Variants in ARHGAP24 observed in about 807,000 individuals in gnomAD.
ARHGAP24 encodes rho GTPase-activating protein 24.
In ARHGAP24, 50 loss-of-function variants were observed where a neutral mutation model predicts 76.4. The ratio of observed to expected loss-of-function variants is 0.65; its 90% CI spans 0.52 to 0.83. The LOEUF is 0.83. ARHGAP24 is among the 40% of genes least tolerant of loss of function. The probability of loss-of-function intolerance (pLI) is 0.00; values close to 1 mark genes in which losing one functional copy is unlikely to be tolerated. For synonymous variants in ARHGAP24, 345 were observed against 323.3 expected (o/e 1.07, Z -0.72); for missense variants, 930 against 914.2 (o/e 1.02, Z -0.22).
chr4:85,693,705 G>T (rs567420568), intron 2 of ARHGAP24, among the ~76,000 whole-genome samples: 144 of 152,344 alleles, frequency 9.5e-4, no homozygotes, highest in African/African-American at 3.2e-3. Context: ...AAGGGCCCTG[G>T]GAGAGGCTGG....
chr4:85,903,804 A>G (rs932381903), intron 3 of ARHGAP24, among the ~76,000 whole-genome samples: 1 of 152,138 alleles, frequency 6.6e-6, no homozygotes. Flanking sequence ...AGTGACTGGC[A>G]TGAAAATCAA....
chr4:85,774,886 C>T (rs975538253), intron 3 of ARHGAP24, among the ~76,000 whole-genome samples: 1 of 152,076 alleles, frequency 6.6e-6, no homozygotes, highest in Non-Finnish European at 1.5e-5. Flanking sequence ...ATAATTAATT[C>T]ATTAAAGAAA....
chr4:85,511,662 T>C (rs1176523321), intron 1 of ARHGAP24, among the ~76,000 whole-genome samples: 1 of 152,018 alleles, frequency 6.6e-6, no homozygotes, highest in Non-Finnish European at 1.5e-5. Context: ...ACAGGGTTTC[T>C]CCACATTGGT....
intron 2 of ARHGAP24, among the ~76,000 whole-genome samples, chr4:85,668,149 A>G (rs1183873142): frequency 1.3e-5 from 2 of 152,184 alleles, no homozygotes; most frequent in African/African-American, 4.8e-5. Flanking sequence ...GTCAGAGTAT[A>G]ATGAGTTCCT....
chr4:85,672,271 G>A (rs990922706), intron 2 of ARHGAP24, among the ~76,000 whole-genome samples: 9 of 152,166 alleles, frequency 5.9e-5, no homozygotes, highest in Non-Finnish European at 1.3e-4. Context: ...GGCCAGATGA[G>A]GCCCTTTCAA....
At chr4:85,655,848 G>GAGAGTGAGAC (rs1560571885) in intron 2 of ARHGAP24, among the ~76,000 whole-genome samples, 1 of 67,628 alleles carries the variant, frequency 1.5e-5, no homozygotes, top group African/African-American at 6.1e-5. Flanking sequence ...GAGAGAGACA[G>GAGAGTGAGAC]AGAGGAAGTT....
chr4:85,847,588 G>A (rs1314537567), intron 3 of ARHGAP24, among the ~76,000 whole-genome samples: 1 of 152,126 alleles, frequency 6.6e-6, no homozygotes, highest in Non-Finnish European at 1.5e-5. Flanking sequence ...GCCTAAGGAA[G>A]GCTGCTGTGT....
chr4:85,772,631 C>T (rs1727172607), intron 3 of ARHGAP24, among the ~76,000 whole-genome samples: 1 of 152,118 alleles, frequency 6.6e-6, no homozygotes, highest in African/African-American at 2.4e-5. Context: ...GTGAATAAGT[C>T]TTCCAGACAT....
intron 3 of ARHGAP24, among the ~76,000 whole-genome samples, chr4:85,825,255 TA>T (rs1458759788): frequency 6.6e-6 from 1 of 152,180 alleles, no homozygotes; most frequent in Non-Finnish European, 1.5e-5. Flanking sequence ...AGATAAGATT[TA>T]AAACATTTAC....
At chr4:85,519,403 C>T (rs184401594) in intron 1 of ARHGAP24, among the ~76,000 whole-genome samples, 1 of 152,238 alleles carries the variant, frequency 6.6e-6, no homozygotes, top group Non-Finnish European at 1.5e-5. Flanking sequence ...CTGGCTCTCT[C>T]CACATAGCTA....
intron 4 of ARHGAP24, among the ~76,000 whole-genome samples, chr4:85,935,257 G>A (rs1478756551): frequency 2.0e-5 from 3 of 152,200 alleles, no homozygotes; most frequent in Non-Finnish European, 2.9e-5. Flanking sequence ...ACCAAGTGGT[G>A]CTGGGAATGA....
At chr4:85,655,818 A>AGAGAGAGAGAGAGAAAG (rs1237643654) in intron 2 of ARHGAP24, among the ~76,000 whole-genome samples, 3 of 35,504 alleles carry the variant, frequency 8.4e-5, no homozygotes, top group Non-Finnish European at 1.5e-4. Context: ...GAGAGAGAGA[A>AGAGAGAGAGAGAGAAAG]AGAGAGAGAG....
chr4:85,938,758 A>G (rs886980522), intron 4 of ARHGAP24, among the ~76,000 whole-genome samples: 1 of 152,092 alleles, frequency 6.6e-6, no homozygotes, highest in African/African-American at 2.4e-5. Context: ...TATTAAAGGC[A>G]TCAGCTTTAT....
chr4:85,960,776 G>A (rs1425573159), intron 5 of ARHGAP24, among the ~76,000 whole-genome samples: 2 of 152,028 alleles, frequency 1.3e-5, no homozygotes, highest in African/African-American at 4.8e-5. Context: ...TGTCATCTAA[G>A]GCCAAATGCC....
intron 3 of ARHGAP24, among the ~76,000 whole-genome samples, chr4:85,768,833 T>C (rs1253299193): frequency 6.6e-6 from 1 of 151,936 alleles, no homozygotes; most frequent in Non-Finnish European, 1.5e-5. Flanking sequence ...GGGAGAAAAA[T>C]TTCTCCTCTA....
intron 2 of ARHGAP24, among the ~76,000 whole-genome samples, chr4:85,707,206 C>T (rs1724346689): frequency 6.6e-6 from 1 of 152,180 alleles, no homozygotes; most frequent in Admixed American, 6.5e-5. Context: ...CATCAGCCAC[C>T]ATACCCAGCC....
intron 5 of ARHGAP24, among the ~76,000 whole-genome samples, chr4:85,948,388 G>A (rs796342043): frequency 6.6e-6 from 1 of 152,124 alleles, no homozygotes; most frequent in African/African-American, 2.4e-5. Flanking sequence ...TTTATATATG[G>A]CTAATTATAT....
intron 3 of ARHGAP24, among the ~76,000 whole-genome samples, chr4:85,922,806 T>G (rs1461174832): frequency 6.6e-6 from 1 of 152,210 alleles, no homozygotes; most frequent in Non-Finnish European, 1.5e-5. Flanking sequence ...TGGGGAAACT[T>G]AAATGCGCTA....
At chr4:85,938,282 A>T (rs915292414) in intron 4 of ARHGAP24, among the ~76,000 whole-genome samples, 4 of 152,282 alleles carry the variant, frequency 2.6e-5, no homozygotes, top group African/African-American at 9.6e-5. Context: ...GTTTTGTCAG[A>T]GTGTGTGAAA....
Sources: gnomAD v4.1 joint callset for allele counts (sites outside exome capture counted in the v4.1 genomes callset) on GRCh38, gnomAD v4.1.1 for gene constraint, MANE v1.5 for transcripts, NCBI Gene and HGNC (gene_info 2026-07-23, HGNC 2026-07-21) for gene names.